Variants in TAFA2 observed in about 807,000 individuals in gnomAD.
The protein encoded by TAFA2 is chemokine-like protein TAFA-2.
TAFA2 carries 7 observed loss-of-function variants against 18.8 expected under a neutral mutation model. The ratio of observed to expected loss-of-function variants is 0.37; its 90% CI spans 0.21 to 0.70. The LOEUF is 0.70. Ranked by LOEUF, TAFA2 falls within the 30% of genes least tolerant of loss-of-function variation. The pLI is 0.53. For synonymous variants in TAFA2, 60 were observed against 54.2 expected (o/e 1.11, Z -0.47); for missense variants, 122 against 158.1 (o/e 0.77, Z 1.23).
chr12:61,872,908 T>C (rs940210485), intron 1 of TAFA2, among the ~76,000 whole-genome samples: 7 of 152,184 alleles, frequency 4.6e-5, no homozygotes, highest in African/African-American at 1.7e-4. Flanking sequence ...ATTTTCTCTA[T>C]TTATTCTAAT....
At chr12:61,883,750 A>G (rs751656668) in intron 1 of TAFA2, among the ~76,000 whole-genome samples, 1 of 152,206 alleles carries the variant, frequency 6.6e-6, no homozygotes, top group African/African-American at 2.4e-5. Context: ...CTAATGATGT[A>G]TTCACCCAAA....
At chr12:61,951,045 C>T (rs1878447248) in intron 1 of TAFA2, among the ~76,000 whole-genome samples, 1 of 151,988 alleles carries the variant, frequency 6.6e-6, no homozygotes, top group South Asian at 2.1e-4. Context: ...GACTTTTGCC[C>T]TAAATGACCA....
chr12:61,830,745 T>G (rs900789708), intron 2 of TAFA2, among the ~76,000 whole-genome samples: 3 of 152,060 alleles, frequency 2.0e-5, no homozygotes, highest in Admixed American at 2.0e-4. Flanking sequence ...TTTGAGTACT[T>G]GATATTGTAA....
intron 1 of TAFA2, among the ~76,000 whole-genome samples, chr12:62,245,540 T>C (rs1482364813): frequency 6.6e-6 from 1 of 150,534 alleles, no homozygotes; most frequent in East Asian, 1.9e-4. Context: ...TAATATTGTT[T>C]AGTATGACTT....
chr12:61,925,906 C>A (rs1877268540), intron 1 of TAFA2, among the ~76,000 whole-genome samples: 1 of 152,118 alleles, frequency 6.6e-6, no homozygotes, highest in African/African-American at 2.4e-5. Context: ...ATCAGTGAAT[C>A]CAGGAGCTGG....
chr12:62,068,482 C>G (rs348648), intron 1 of TAFA2, among the ~76,000 whole-genome samples: 100,656 of 151,950 alleles, frequency 0.66, 33,555 homozygotes, highest in Admixed American at 0.69. Flanking sequence ...CATTAGAAAA[C>G]TTAAGCTATT....
intron 1 of TAFA2, among the ~76,000 whole-genome samples, chr12:61,935,617 A>T (rs145811840): frequency 1.9e-4 from 29 of 152,332 alleles, no homozygotes; most frequent in Non-Finnish European, 3.8e-4. Flanking sequence ...CAGTATGTTT[A>T]TCACATAGAA....
At chr12:61,926,324 C>T (rs1006609764) in intron 1 of TAFA2, among the ~76,000 whole-genome samples, 1 of 152,186 alleles carries the variant, frequency 6.6e-6, no homozygotes, top group Non-Finnish European at 1.5e-5. Flanking sequence ...AAAAGAGGGA[C>T]TCCTCCGTAA....
intron 1 of TAFA2, among the ~76,000 whole-genome samples, chr12:62,076,249 CAT>C (rs765209970): frequency 2.1e-4 from 32 of 152,110 alleles, no homozygotes; most frequent in African/African-American, 7.0e-4. Context: ...ATCAAACAGA[CAT>C]GTGGAGAAAT....
intron 1 of TAFA2, among the ~76,000 whole-genome samples, chr12:62,042,778 C>G (rs934487900): frequency 6.6e-6 from 1 of 152,030 alleles, no homozygotes. Flanking sequence ...CTCATTCCAG[C>G]GGGGTCGCCT....
intron 1 of TAFA2, among the ~76,000 whole-genome samples, chr12:62,211,574 C>T (rs1378446750): frequency 1.4e-4 from 10 of 72,620 alleles, no homozygotes; most frequent in East Asian, 3.6e-4. Context: ...AGCGAGGCTC[C>T]GTCTCAAAAA....
At chr12:62,238,466 C>G (rs1050955911) in intron 1 of TAFA2, among the ~76,000 whole-genome samples, 1 of 152,154 alleles carries the variant, frequency 6.6e-6, no homozygotes, top group Non-Finnish European at 1.5e-5. Flanking sequence ...AAATATTTTA[C>G]CTACATTATC....
chr12:62,186,755 CTTAG>C (rs1592390251), intron 1 of TAFA2, among the ~76,000 whole-genome samples: 1 of 152,032 alleles, frequency 6.6e-6, no homozygotes, highest in East Asian at 1.9e-4. Context: ...GCTCTGATTC[CTTAG>C]TTATATATCT....
At chr12:61,731,401 G>A (rs1028760981) in intron 4 of TAFA2, among the ~76,000 whole-genome samples, 4 of 152,058 alleles carry the variant, frequency 2.6e-5, no homozygotes, top group Admixed American at 1.3e-4. Flanking sequence ...TGTCCAAGTG[G>A]GAGCTGCAAG....
intron 1 of TAFA2, among the ~76,000 whole-genome samples, chr12:61,867,735 A>T (rs1874422380): frequency 6.6e-6 from 1 of 152,182 alleles, no homozygotes; most frequent in Non-Finnish European, 1.5e-5. Context: ...GATTTAGTTT[A>T]TTAACAAAAC....
intron 2 of TAFA2, among the ~76,000 whole-genome samples, chr12:61,848,891 G>A (rs939085308): frequency 7.3e-5 from 11 of 150,470 alleles, no homozygotes; most frequent in African/African-American, 2.7e-4. Context: ...ACCCAGGCTG[G>A]AGTGCAGTGG....
At chr12:61,870,084 C>T (rs1450732200) in intron 1 of TAFA2, among the ~76,000 whole-genome samples, 1 of 152,150 alleles carries the variant, frequency 6.6e-6, no homozygotes, top group African/African-American at 2.4e-5. Context: ...ACAGAAGCAC[C>T]CACAAAGTTG....
intron 1 of TAFA2, among the ~76,000 whole-genome samples, chr12:62,238,397 AT>A (rs2062847591): frequency 6.6e-6 from 1 of 152,178 alleles, no homozygotes; most frequent in African/African-American, 2.4e-5. Flanking sequence ...TTTTGGTTAC[AT>A]CACTCAACAA....
chr12:61,878,198 G>T (rs1479232613), intron 1 of TAFA2: 1 of 427,458 alleles, frequency 2.3e-6, no homozygotes, highest in South Asian at 1.7e-5. Flanking sequence ...TTTTGTACAG[G>T]ATGACTTTTA....
Sources: allele counts gnomAD v4.1 joint callset (sites outside exome capture counted in the v4.1 genomes callset), GRCh38; gene constraint gnomAD v4.1.1; transcripts MANE v1.5; gene names NCBI Gene and HGNC (gene_info 2026-07-23, HGNC 2026-07-21).